Variants in KIDINS220 observed in about 807,000 individuals in gnomAD.
The protein encoded by KIDINS220 is kinase D-interacting substrate of 220 kDa.
Under a neutral mutation model 157.6 loss-of-function variants are expected in KIDINS220, and 63 were observed. That is an observed-to-expected ratio of 0.40 (90% CI 0.33 to 0.49). The LOEUF is 0.49. KIDINS220 is among the 20% of genes least tolerant of loss of function. KIDINS220 has a pLI of 0.66. For missense variants in KIDINS220, 1,772 were observed against 2,171.2 expected (o/e 0.82, Z 3.65); for synonymous variants, 732 against 783.6 (o/e 0.93, Z 1.10).
rs141256621 is a variant in KIDINS220, at chr2:8,799,895, G to C, written c.900+505C>G. On this transcript the variant is annotated intron_variant, in intron 9 of 29. Coordinates refer to ENST00000256707, the MANE Select transcript of KIDINS220 (RefSeq NM_020738.4). ...CTTTTATCTAAAATTAATAATCTTT[G>C]TGGTTCTATGAACTATGATTGCCTT... Among the ~76,000 whole-genome samples, 373 of 152,266 alleles carry C rather than the reference G, an allele frequency of 2.4e-3. 1 individual carries two copies. Among genetic ancestry groups the C allele is most frequent in the Non-Finnish European group, 4.1e-3 (282 of 68,026 alleles).
chr2:8,801,059 C>T (rs1674623540), intron 8 of KIDINS220, among the ~76,000 whole-genome samples: 1 of 152,106 alleles, frequency 6.6e-6, no homozygotes. Flanking sequence ...ACTCATTCCC[C>T]AGCATAAGAC....
chr2:8,788,549 G>A (rs1375156517), intron 15 of KIDINS220, 98 bp downstream of exon 15: 15 of 1,191,732 alleles, frequency 1.3e-5, no homozygotes, highest in Non-Finnish European at 1.5e-5. Context: ...GATTACAAGC[G>A]TGAGCCACCA....
At position 8,800,484 on chromosome 2, in the gene KIDINS220, C is replaced by T; in HGVS notation, c.816G>A (p.Val272=). ...VNIPDRSGDT[V]LIGAVRGGHV... is the part of the protein sequence containing the mutation. ...GACCACCTCTGACAGCGCCAATCAA[C>T]ACAGTATCCCCACTCTAAGAAGACA... The change falls in exon 9 of 30, where the codon GTG becomes GTA. Residue 272 remains valine, a synonymous_variant. Transcript: ENST00000256707. 1 of 1,610,570 alleles carries T rather than the reference C, an allele frequency of 6.2e-7. No individual in the cohort carries two copies. Among genetic ancestry groups the T allele is most frequent in the Non-Finnish European group, 8.5e-7 (1 of 1,178,442 alleles).
intron 26 of KIDINS220, among the ~76,000 whole-genome samples, chr2:8,743,630 T>C (rs951583429): frequency 1.3e-5 from 2 of 152,166 alleles, no homozygotes; most frequent in African/African-American, 4.8e-5. Context: ...GCCACCAGCA[T>C]GGTGGTGAGC....
chr2:8,774,733 G>A (rs1670733115), intron 21 of KIDINS220, among the ~76,000 whole-genome samples: 2 of 152,208 alleles, frequency 1.3e-5, no homozygotes, highest in Non-Finnish European at 2.9e-5. Context: ...GAGGTCAGAA[G>A]GAGGAAGGGG....
At chr2:8,736,626 G>A (rs1025852778) in intron 27 of KIDINS220, among the ~76,000 whole-genome samples, 16 of 152,090 alleles carry the variant, frequency 1.1e-4, no homozygotes, top group Admixed American at 3.3e-4. Context: ...CTTGTATTAC[G>A]TCATTTAAAA....
chr2:8,787,115 A>G (rs574313297), intron 15 of KIDINS220, among the ~76,000 whole-genome samples: 2 of 152,046 alleles, frequency 1.3e-5, no homozygotes, highest in South Asian at 4.1e-4. Flanking sequence ...AAAAAAAAAA[A>G]TACCACCTCA....
chr2:8,816,012 C>T (rs1053486147), intron 4 of KIDINS220, among the ~76,000 whole-genome samples: 5 of 152,128 alleles, frequency 3.3e-5, no homozygotes, highest in African/African-American at 1.2e-4. Flanking sequence ...ACCACCCACC[C>T]ACCCAATCCT....
intron 20 of KIDINS220, among the ~76,000 whole-genome samples, chr2:8,777,381 C>T (rs1166277321): frequency 6.6e-6 from 1 of 152,176 alleles, no homozygotes; most frequent in African/African-American, 2.4e-5. Flanking sequence ...TCGCTGCAAC[C>T]TGGATGTTCT....
rs1334759800 is a variant in KIDINS220 at position 8,730,867 on chromosome 2, A to G, written c.5169T>C (p.Thr1723=). 6.2e-7 allele frequency: 1 copy of G among 1,614,192 alleles called. No individual in the cohort carries two copies. Among genetic ancestry groups the G allele is most frequent in the East Asian group, 2.2e-5 (1 of 44,882 alleles). The stretch of plus-strand genomic sequence containing the variant: ...TGCTTTTTAGATTCTCATTCTGAAT[A>G]GTGGTTGGGTTGGGACTGGAACTAG... The part of the protein sequence containing the change: ...LRPSSSPNPT[T]IQNENLKSMT... Residue 1723 remains threonine (T), a synonymous_variant, in exon 30 of 30, where the codon ACT becomes ACC. Coordinates refer to ENST00000256707, the MANE Select transcript of KIDINS220 (RefSeq NM_020738.4).
Position 8,791,193 on chromosome 2 carries a change from G to A in KIDINS220, c.1308C>T (p.Asp436=). Residue 436 remains aspartate, a synonymous_variant, in exon 13 of 30, where the codon GAC becomes GAT. Coordinates refer to ENST00000256707, the MANE Select transcript of KIDINS220 (RefSeq NM_020738.4). The part of the protein sequence containing the change: ...RHLSPTETDG[D]MLGYDLYSSA... Reference sequence around the variant, plus strand: ...TGCTATATAAATCATATCCAAGCATGTCACCGTCTGTTTCAGTAGGAGACA... The same window carrying A: ...TGCTATATAAATCATATCCAAGCATATCACCGTCTGTTTCAGTAGGAGACA... The A allele has an allele frequency of 6.2e-7, 1 of 1,613,844 alleles. No homozygotes were observed. The highest frequency in any genetic ancestry group is 8.5e-7 in the Non-Finnish European group (1 of 1,179,812).
At chr2:8,721,400 C>CT (rs754874404), downstream of KIDINS220, 1 of 152,194 alleles carries the variant, frequency 6.6e-6, no homozygotes, top group South Asian at 2.1e-4. Flanking sequence ...ATCCATCGAT[C>CT]ATTAGCCCGA....
Position 8,747,294 on chromosome 2 carries a change from A to G in KIDINS220, c.3529-93T>C. 2.9e-6 allele frequency: 3 copies of G among 1,047,196 alleles called. No individual in the cohort carries two copies. In the South Asian group the frequency reaches 3.8e-5, roughly 13 times the overall value. The allele number at this position is 1,047,196 out of a possible 1,614,324, so 64.9% of individuals were successfully genotyped here. On this transcript the variant is annotated intron_variant, in intron 25 of 29. Transcript: ENST00000256707. ...GAACATGATGGTAAAATAATATACA[A>G]CACTGAAACTCAACAGTTTATGTTT...
chr2:8,767,830 G>A (rs1171869209), intron 22 of KIDINS220, among the ~76,000 whole-genome samples: 1 of 152,096 alleles, frequency 6.6e-6, no homozygotes, highest in Non-Finnish European at 1.5e-5. Flanking sequence ...AAAAATAACA[G>A]GTCTATTAAA....
At chr2:8,750,396 A>C in intron 23 of KIDINS220, 61 bp from the exon 24 acceptor site, 1 of 1,138,054 alleles carries the variant, frequency 8.8e-7, no homozygotes. Context: ...AATCAGTCCA[A>C]TTATCACATT....
intron 8 of KIDINS220, 94 bp downstream of exon 8, chr2:8,802,836 T>A: frequency 2.2e-6 from 2 of 927,160 alleles, no homozygotes; most frequent in Non-Finnish European, 3.3e-6. Flanking sequence ...AACAAGTTTA[T>A]GTCATGCATG....
chr2:8,798,306 T>A lies in KIDINS220; in HGVS notation c.901-6A>T, dbSNP rs746633746. The A allele has an allele frequency of 3.2e-5, 48 of 1,518,732 alleles. No homozygotes were observed. In the Middle Eastern group the frequency reaches 8.5e-4, roughly 27 times the overall value. 94.1% of individuals were successfully genotyped at this position (1,518,732 alleles called of 1,614,324 possible). ...TACAAAGCAGTTTTATTATCCTAGA[T>A]AATTAAAAAAAACACAATCACTTCA... is the stretch of plus-strand genomic sequence containing the variant. On this transcript the variant is annotated splice_region_variant and splice_polypyrimidine_tract_variant and intron_variant, in intron 9 of 29. Transcript: ENST00000256707.
At chr2:8,780,470 T>C (rs1451624703) in intron 17 of KIDINS220, among the ~76,000 whole-genome samples, 1 of 151,982 alleles carries the variant, frequency 6.6e-6, no homozygotes, top group Admixed American at 6.6e-5. Context: ...GTAAACACTT[T>C]GGAAGTGGCC....
chr2:8,770,556 CAGG>C, intron 22 of KIDINS220, 111 bp downstream of exon 22: 1 of 541,078 alleles, frequency 1.8e-6, no homozygotes, highest in Non-Finnish European at 3.1e-6. Context: ...TGATTAAATC[CAGG>C]AGTATACATT....
Sources: allele counts gnomAD v4.1 joint callset (sites outside exome capture counted in the v4.1 genomes callset), GRCh38; gene constraint gnomAD v4.1.1; transcripts MANE v1.5; gene names NCBI Gene and HGNC (gene_info 2026-07-23, HGNC 2026-07-21).